Variants in VPS13A observed in about 807,000 individuals in gnomAD.
VPS13A encodes intermembrane lipid transfer protein VPS13A.
A neutral mutation model predicts 390.9 loss-of-function variants in VPS13A; 264 were observed. That is an observed-to-expected ratio of 0.68 (90% CI 0.61 to 0.75). The LOEUF (loss-of-function observed/expected upper bound fraction) is 0.75. VPS13A is among the 30% of genes least tolerant of loss of function. VPS13A has a pLI of 0.00. For missense variants in VPS13A, 3,409 were observed against 3,733.9 expected (o/e 0.91, Z 2.27); for synonymous variants, 1,231 against 1,227.1 (o/e 1.00, Z -0.07).
rs747089927 is a variant in VPS13A at position 77,351,359 on chromosome 9, C to T, written c.7332C>T (p.Ala2444=). 10 of 1,613,650 alleles carry T rather than the reference C, an allele frequency of 6.2e-6. No individual in the cohort carries two copies. The highest frequency in any genetic ancestry group is 4.0e-5 in the African/African-American group (3 of 74,834). The change falls in exon 53 of 72, where the codon GCC becomes GCT. Residue 2444 remains alanine, a synonymous_variant. Transcript: ENST00000360280. ...AAGATTCCCTCCCTCCTGGTAAAGC[C>T]GTGTTTTATACATGGGCTGATCCGG... The part of the protein sequence containing the change: ...EIEDSLPPGK[A]VFYTWADPVG...
intron 33 of VPS13A, among the ~76,000 whole-genome samples, chr9:77,296,636 T>C (rs1254251853): frequency 1.3e-5 from 2 of 152,216 alleles, no homozygotes; most frequent in African/African-American, 2.4e-5. Flanking sequence ...AGCAGCTTTA[T>C]TGAGACATAA....
chr9:77,305,236 C>A (rs1477788337), intron 34 of VPS13A, among the ~76,000 whole-genome samples: 1 of 152,060 alleles, frequency 6.6e-6, no homozygotes, highest in East Asian at 1.9e-4. Flanking sequence ...TCACGCCTGG[C>A]CGAGATTTCA....
chr9:77,180,655 T>C (rs1823956292), intron 1 of VPS13A, among the ~76,000 whole-genome samples: 1 of 152,208 alleles, frequency 6.6e-6, no homozygotes, highest in South Asian at 2.1e-4. Context: ...GATGCAAATA[T>C]CCAATTGTTT....
intron 61 of VPS13A, 32 bp downstream of exon 61, chr9:77,366,904 G>T (rs756824784): frequency 3.3e-5 from 53 of 1,603,114 alleles, no homozygotes; most frequent in Non-Finnish European, 4.3e-5. Context: ...GTAAATTGAT[G>T]GAAATATTTC....
chr9:77,249,266 C>T (rs542423517), intron 20 of VPS13A, among the ~76,000 whole-genome samples: 5 of 152,110 alleles, frequency 3.3e-5, no homozygotes, highest in African/African-American at 9.7e-5. Flanking sequence ...ATTGTGTAAA[C>T]GCCCACTGGG....
intron 68 of VPS13A, among the ~76,000 whole-genome samples, chr9:77,388,626 C>T (rs1833786978): frequency 6.6e-6 from 1 of 152,078 alleles, no homozygotes; most frequent in Non-Finnish European, 1.5e-5. Flanking sequence ...AAAGATTTCT[C>T]CTGAATTGTA....
At chr9:77,374,650 A>C (rs1039326937) in intron 67 of VPS13A, among the ~76,000 whole-genome samples, 2 of 152,344 alleles carry the variant, frequency 1.3e-5, no homozygotes, top group South Asian at 4.1e-4. Flanking sequence ...AACTGTGGAT[A>C]AGCGGATACT....
chr9:77,371,397 G>A (rs1199169688), intron 67 of VPS13A, among the ~76,000 whole-genome samples: 1 of 152,046 alleles, frequency 6.6e-6, no homozygotes, highest in African/African-American at 2.4e-5. Context: ...TCATCCCATG[G>A]CAGAAGGACA....
intron 45 of VPS13A, among the ~76,000 whole-genome samples, chr9:77,326,368 T>G (rs1176174378): frequency 6.6e-6 from 1 of 152,110 alleles, no homozygotes; most frequent in Non-Finnish European, 1.5e-5. Flanking sequence ...CTTCTCTCCT[T>G]TAGGTACCAG....
Position 77,407,535 on chromosome 9 carries a change from A to C in VPS13A, c.9402A>C (p.Glu3134Asp). 6.2e-7 allele frequency: 1 copy of C among 1,611,528 alleles called. No individual in the cohort carries two copies. The highest frequency in any genetic ancestry group is 8.5e-7 in the Non-Finnish European group (1 of 1,177,952). Reference protein sequence around the residue: ...HGRRLRIEAKERVKSVFHARE... With the variant: ...HGRRLRIEAKDRVKSVFHARE... ...GAATTTACATATTCTGTTTATAGGA[A>C]CGAGTGAAGTCTGTATTTCATGCCA... The change falls in exon 71 of 72, where the codon GAA (glutamate) becomes GAC (aspartate). Residue 3134 changes from glutamate (E) to aspartate (D), a missense_variant and splice_region_variant. This residue lies in a region of VPS13A where 318 missense variants were observed against 333.7 expected (regional missense o/e 0.95). Transcript: ENST00000360280.
intron 42 of VPS13A, 92 bp downstream of exon 42, chr9:77,319,765 ATT>A (rs1554888455): frequency 1.5e-6 from 1 of 688,678 alleles, no homozygotes; most frequent in Non-Finnish European, 2.3e-6. Context: ...TCACAGCAAA[ATT>A]GAGAAGAAGG....
Position 77,416,030 on chromosome 9 carries a change from A to C in VPS13A, c.*24A>C. 1 of 1,612,880 alleles carries C rather than the reference A, an allele frequency of 6.2e-7. No homozygotes were observed. The highest frequency in any genetic ancestry group is 8.5e-7 in the Non-Finnish European group (1 of 1,179,056). ...GACAGAGAACACTGCCTGAAGACACACAGCAATAAGTGATTACAGCTCCTA... is the reference window on the plus strand; with the variant it reads ...GACAGAGAACACTGCCTGAAGACACCCAGCAATAAGTGATTACAGCTCCTA... On this transcript the variant is annotated 3_prime_UTR_variant, in exon 72 of 72. Transcript: ENST00000360280.
chr9:77,180,769 C>T (rs1823965463), intron 1 of VPS13A, among the ~76,000 whole-genome samples: 1 of 152,172 alleles, frequency 6.6e-6, no homozygotes, highest in African/African-American at 2.4e-5. Context: ...TAGTCTGTCT[C>T]AATCTGTGTG....
intron 1 of VPS13A, 35 bp downstream of exon 1, chr9:77,177,839 C>T (rs753678619): frequency 6.3e-7 from 1 of 1,574,824 alleles, no homozygotes; most frequent in Non-Finnish European, 8.7e-7. Context: ...CCCGGCCTCT[C>T]GTGCTTCCCG....
At chr9:77,258,606 A>G (rs1825583479) in intron 22 of VPS13A, among the ~76,000 whole-genome samples, 2 of 152,148 alleles carry the variant, frequency 1.3e-5, no homozygotes, top group African/African-American at 2.4e-5. Flanking sequence ...AAAGAAAACC[A>G]TGCTACGCAT....
intron 67 of VPS13A, 120 bp downstream of exon 67, chr9:77,371,269 C>T: frequency 3.8e-6 from 5 of 1,325,740 alleles, no homozygotes; most frequent in Non-Finnish European, 5.3e-6. Flanking sequence ...CTATAACATA[C>T]CACATAATAC....
chr9:77,384,609 A>G (rs750626580), intron 68 of VPS13A: 2 of 1,611,056 alleles, frequency 1.2e-6, no homozygotes, highest in South Asian at 2.2e-5. Flanking sequence ...CAGGGAGTGG[A>G]TTATGACTCA....
At chr9:77,371,179 T>G in intron 67 of VPS13A, 30 bp downstream of exon 67, 2 of 1,613,352 alleles carry the variant, frequency 1.2e-6, no homozygotes, top group Non-Finnish European at 1.7e-6. Context: ...AGATATGAGT[T>G]AAAATGCTGA....
intron 10 of VPS13A, among the ~76,000 whole-genome samples, chr9:77,219,737 A>T (rs940384996): frequency 1.3e-5 from 2 of 151,358 alleles, no homozygotes; most frequent in Admixed American, 6.6e-5. Flanking sequence ...ATTTGCCTTT[A>T]TTGTATTTAT....
Sources: allele counts gnomAD v4.1 joint callset (sites outside exome capture counted in the v4.1 genomes callset), GRCh38; gene constraint gnomAD v4.1.1; regional missense constraint gnomAD v4.1.1; transcripts MANE v1.5; gene names NCBI Gene and HGNC (gene_info 2026-07-23, HGNC 2026-07-21).